THUMPD3: variants seen among roughly 807,000 people sequenced by gnomAD.
The protein encoded by THUMPD3 is tRNA (guanine(6)-N(2))-methyltransferase THUMP3.
In THUMPD3, 44 loss-of-function variants were observed where a neutral mutation model predicts 54.5. That is an observed-to-expected ratio of 0.81 (90% CI 0.63 to 1.04). The LOEUF is 1.04. Among genes scored for constraint, THUMPD3 ranks in the 50% least tolerant of loss-of-function variants. The pLI is 0.00. For missense variants in THUMPD3, 604 were observed against 601.3 expected (o/e 1.00, Z -0.05); for synonymous variants, 196 against 201.4 (o/e 0.97, Z 0.23).
intron 3 of THUMPD3, among the ~76,000 whole-genome samples, chr3:9,368,632 G>T (rs1575056531): frequency 6.6e-6 from 1 of 152,042 alleles, no homozygotes; most frequent in East Asian, 1.9e-4. Flanking sequence ...AAGTGCTGGG[G>T]TTACAGGCGT....
At chr3:9,383,920 T>G (rs2033118936) in intron 8 of THUMPD3, among the ~76,000 whole-genome samples, 1 of 152,198 alleles carries the variant, frequency 6.6e-6, no homozygotes, top group African/African-American at 2.4e-5. Flanking sequence ...CCAAAACACC[T>G]GGCCTAAATG....
intron 6 of THUMPD3, 50 bp from the exon 7 acceptor site, chr3:9,380,453 A>G (rs762970799): frequency 1.6e-6 from 2 of 1,228,238 alleles, no homozygotes; most frequent in Non-Finnish European, 2.4e-6. Context: ...CAATTTAATC[A>G]TATTTTACAG....
intron 2 of THUMPD3, 100 bp from the exon 3 acceptor site, chr3:9,366,808 C>T (rs529941799): frequency 5.4e-6 from 5 of 930,488 alleles, no homozygotes; most frequent in Non-Finnish European, 8.0e-6. Context: ...TTAGTAGCTG[C>T]TTTAAAACTA....
rs1355879520 is a variant in THUMPD3, at chr3:9,386,053, T to C, written c.*1365T>C. ...ATTATAATAGTACTCCTCTTAATACTTTCTGATGTCTCCATTGAGAATAAA... is the reference window on the plus strand; with the variant it reads ...ATTATAATAGTACTCCTCTTAATACCTTCTGATGTCTCCATTGAGAATAAA... On this transcript the variant is annotated 3_prime_UTR_variant, in exon 10 of 10. Transcript: ENST00000452837. 1.1e-4 allele frequency: 17 copies of C among 152,298 alleles called. No homozygotes were observed. In the South Asian group the frequency reaches 3.1e-3, roughly 28 times the overall value. The allele number at this position is 152,298 out of a possible 1,614,324, so 9.4% of individuals were successfully genotyped here. A position where few individuals can be genotyped will look rare whatever the true frequency, so the allele number is the denominator to read the frequency against.
intron 4 of THUMPD3, among the ~76,000 whole-genome samples, chr3:9,373,175 C>T (rs1018277542): frequency 3.3e-5 from 5 of 152,078 alleles, no homozygotes; most frequent in East Asian, 1.9e-4. Context: ...AGAGGAGTTT[C>T]TGGAGCCGTG....
At chr3:9,371,691 TTAACTCCACAACTGTA>T (rs1363905533) in intron 4 of THUMPD3, among the ~76,000 whole-genome samples, 155 bp downstream of exon 4, 3 of 152,244 alleles carry the variant, frequency 2.0e-5, no homozygotes, top group Admixed American at 6.5e-5. Context: ...GATCCAAATT[TTAACTCCACAACTGTA>T]TAACTTTGGA....
In THUMPD3 at chr3:9,377,049, GA is replaced by G. The variant is rs910628228; in HGVS notation, c.939-769del. ...CCACAGAGCAATTTTTTTATATCAA[GA>G]TTAGCTTTAAATTCAGAAGGAAAGG... On this transcript the variant is annotated intron_variant, in intron 5 of 9. Coordinates refer to ENST00000452837, the MANE Select transcript of THUMPD3 (RefSeq NM_001114092.2). Among the ~76,000 whole-genome samples the G allele has an allele frequency of 5.5e-4, 84 of 151,966 alleles. 1 individual carries two copies. Among genetic ancestry groups the G allele is most frequent in the African/African-American group, 2.0e-3 (83 of 41,416 alleles).
chr3:9,381,811 A>G (rs2648538), intron 7 of THUMPD3, among the ~76,000 whole-genome samples: 1,714 of 95,170 alleles, frequency 0.018, 21 homozygotes, highest in Middle Eastern at 0.025. Context: ...ACGGAGTCTC[A>G]CTCTGTCGCC....
rs1685073345 is a variant in THUMPD3, at chr3:9,385,574, T to C, written c.*886T>C. On this transcript the variant is annotated 3_prime_UTR_variant, in exon 10 of 10. Coordinates refer to ENST00000452837, the MANE Select transcript of THUMPD3 (RefSeq NM_001114092.2). ...TTCACATTAATACACAGAATGAAAA[T>C]AGAGGTCTAGGAATTATCAAAGGTA... The C allele has an allele frequency of 6.6e-6, 1 of 152,196 alleles. No homozygotes were observed. The highest frequency in any genetic ancestry group is 2.4e-5 in the African/African-American group (1 of 41,442). The allele number at this position is 152,196 out of a possible 1,614,324, so 9.4% of individuals were successfully genotyped here.
chr3:9,376,006 G>A (rs755857932), intron 5 of THUMPD3, among the ~76,000 whole-genome samples: 2 of 152,012 alleles, frequency 1.3e-5, no homozygotes, highest in African/African-American at 2.4e-5. Context: ...ATTCAATGAC[G>A]ATAATAGAAA....
intron 3 of THUMPD3, among the ~76,000 whole-genome samples, chr3:9,367,262 A>T (rs565030224): frequency 8.5e-5 from 13 of 152,376 alleles, no homozygotes; most frequent in African/African-American, 2.6e-4. Context: ...TTGCTTTTAC[A>T]TATATTTAGT....
In THUMPD3 at chr3:9,377,826, G is replaced by T. The variant is rs1309277596; in HGVS notation, c.946G>T (p.Asp316Tyr). 2.5e-6 allele frequency: 4 copies of T among 1,613,552 alleles called. No individual in the cohort carries two copies. In the South Asian group the frequency reaches 4.4e-5, roughly 18 times the overall value. Reference sequence around the variant, plus strand: ...CTGTTTTCTTTTCTCTAGGCTCTGTGATCCTCTACCTTATGATATAATAGT... The same window carrying T: ...CTGTTTTCTTTTCTCTAGGCTCTGTTATCCTCTACCTTATGATATAATAGT... ...TLAYGMLRLC[D>Y]PLPYDIIVDP... is the part of the protein sequence containing the mutation. The change falls in exon 6 of 10, where the codon GAT (aspartate) becomes TAT (tyrosine). Residue 316 changes from aspartate (D) to tyrosine (Y), a missense_variant. Asp to Tyr is a radical substitution (Grantham distance 160). Transcript: ENST00000452837.
At chr3:9,368,033 C>G (rs1274403243) in intron 3 of THUMPD3, among the ~76,000 whole-genome samples, 1 of 151,900 alleles carries the variant, frequency 6.6e-6, no homozygotes, top group East Asian at 1.9e-4. Flanking sequence ...CCACTGCACT[C>G]CAGCCTGGGC....
Position 9,384,233 on chromosome 3 carries a change from CTG to C in THUMPD3, c.1258_1259del (p.Trp420GlufsTer103), listed in dbSNP as rs1360348357. 3 of 1,614,070 alleles carry C rather than the reference CTG, an allele frequency of 1.9e-6. No homozygotes were observed. Among genetic ancestry groups the C allele is most frequent in the African/African-American group, 2.7e-5 (2 of 75,024 alleles). On this transcript the variant is annotated frameshift_variant, in exon 9 of 10. Transcript: ENST00000452837. LOFTEE classifies it high-confidence loss of function. ...ATAGGATGGGATCCAAGAAGAGAAACTGGAACCTTTATCCAGCTTGCCTACGG... is the reference window on the plus strand; with the variant it reads ...ATAGGATGGGATCCAAGAAGAGAAACGAACCTTTATCCAGCTTGCCTACGG... ...GKRMGSKKRNWNLYPACLREM... is the reference protein window; with the variant it reads ...GKRMGSKKRNXNLYPACLREM...
rs150228946 is a variant in THUMPD3 at position 9,385,402 on chromosome 3, A to C, written c.*714A>C. 2 of 152,348 alleles carry C rather than the reference A, an allele frequency of 1.3e-5. No homozygotes were observed. The highest frequency in any genetic ancestry group is 4.8e-5 in the African/African-American group (2 of 41,572). The allele number at this position is 152,348 out of a possible 1,614,324, so 9.4% of individuals were successfully genotyped here. A position where few individuals can be genotyped will look rare whatever the true frequency, so the allele number is the denominator to read the frequency against. On this transcript the variant is annotated 3_prime_UTR_variant, in exon 10 of 10. Transcript: ENST00000452837. ...CATTTCATTCTTTGCAGCTTTGCTAATCCAGTTGCTCAAGTTCTTTACCTC... is the reference window on the plus strand; with the variant it reads ...CATTTCATTCTTTGCAGCTTTGCTACTCCAGTTGCTCAAGTTCTTTACCTC...
chr3:9,369,482 A>G (rs541155211), intron 3 of THUMPD3, among the ~76,000 whole-genome samples: 15 of 152,326 alleles, frequency 9.8e-5, no homozygotes, highest in African/African-American at 3.4e-4. Context: ...ACACTGAACC[A>G]TCAGAAAGCA....
chr3:9,378,458 T>C (rs1209076699), intron 6 of THUMPD3, among the ~76,000 whole-genome samples: 1 of 152,240 alleles, frequency 6.6e-6, no homozygotes, highest in African/African-American at 2.4e-5. Context: ...TATTTCACAG[T>C]AGATTCCCCT....
At chr3:9,363,622 C>T (rs2031123374) in intron 1 of THUMPD3, 1 of 151,982 alleles carries the variant, frequency 6.6e-6, no homozygotes, top group Non-Finnish European at 1.5e-5. Context: ...TCCCCCGGCC[C>T]CCACCCCAAG....
At chr3:9,368,654 C>T (rs950781452) in intron 3 of THUMPD3, among the ~76,000 whole-genome samples, 2 of 152,322 alleles carry the variant, frequency 1.3e-5, no homozygotes, top group African/African-American at 2.4e-5. Context: ...AGCCACCGCG[C>T]CTGGCCTCCA....
Sources: allele counts gnomAD v4.1 joint callset (sites outside exome capture counted in the v4.1 genomes callset), GRCh38; gene constraint gnomAD v4.1.1; transcripts MANE v1.5; gene names NCBI Gene and HGNC (gene_info 2026-07-23, HGNC 2026-07-21).